The following STK39 variants were observed in gnomAD, a reference collection of about 807,000 sequenced individuals.
The protein encoded by STK39 is serine/threonine kinase 39.
A neutral mutation model predicts 77.8 loss-of-function variants in STK39; 20 were observed. That is an observed-to-expected ratio of 0.26 (90% confidence interval 0.18 to 0.37). The LOEUF is 0.37. Ranked by LOEUF, STK39 falls within the 10% of genes least tolerant of loss-of-function variation. STK39 has a pLI of 1.00. For synonymous variants in STK39, 246 were observed against 234.1 expected (o/e 1.05, Z -0.47); for missense variants, 479 against 656.5 (o/e 0.73, Z 2.95).
At chr2:167,985,464 C>T (rs1683534517) in intron 16 of STK39, among the ~76,000 whole-genome samples, 2 of 152,126 alleles carry the variant, frequency 1.3e-5, no homozygotes, top group South Asian at 4.1e-4. Context: ...CTTTCTTCAC[C>T]AAGCAGGATA....
At chr2:168,210,624 A>C (rs1429156304) in intron 1 of STK39, among the ~76,000 whole-genome samples, 1 of 152,150 alleles carries the variant, frequency 6.6e-6, no homozygotes, top group East Asian at 1.9e-4. Context: ...GGTTCAAGCG[A>C]TTCTCCTGCC....
At chr2:168,166,595 T>G (rs1233857255) in intron 3 of STK39, among the ~76,000 whole-genome samples, 1 of 152,200 alleles carries the variant, frequency 6.6e-6, no homozygotes, top group Admixed American at 6.5e-5. Context: ...GAATTCAAAG[T>G]GCATTAGACA....
At chr2:168,027,502 T>C (rs1684729114) in intron 14 of STK39, among the ~76,000 whole-genome samples, 1 of 152,086 alleles carries the variant, frequency 6.6e-6, no homozygotes, top group African/African-American at 2.4e-5. Flanking sequence ...CAAACCAATG[T>C]CAGATAGATC....
In STK39 at chr2:168,012,694, C is replaced by G. The variant is rs1684301237; in HGVS notation, c.1438G>C (p.Asp480His). ...FEFTPGRDTA[D>H]GVSQELFSAG... ...GAGAAGAGCTCCTGAGATACACCAT[C>G]TGCTGTATCTGTCCAAATGTGAAAT... The change falls in exon 16 of 18, where the codon GAT becomes CAT. Residue 480 changes from aspartate to histidine, a missense_variant. Coordinates refer to ENST00000355999, the MANE Select transcript of STK39 (RefSeq NM_013233.3). 6.2e-7 allele frequency: 1 copy of G among 1,613,226 alleles called. No individual in the cohort carries two copies. Among genetic ancestry groups the G allele is most frequent in the Non-Finnish European group, 8.5e-7 (1 of 1,179,470 alleles).
At chr2:168,215,532 T>C (rs150369406) in intron 1 of STK39, among the ~76,000 whole-genome samples, 28 of 152,334 alleles carry the variant, frequency 1.8e-4, no homozygotes, top group African/African-American at 5.8e-4. Context: ...AACTCTACTT[T>C]TGCTGGATCT....
chr2:168,100,115 A>T (rs1011477671), intron 10 of STK39, among the ~76,000 whole-genome samples: 1 of 152,244 alleles, frequency 6.6e-6, no homozygotes, highest in Non-Finnish European at 1.5e-5. Context: ...AATTTTTCAT[A>T]CAGTTTATCA....
chr2:167,975,730 C>T (rs1012103805), intron 16 of STK39, among the ~76,000 whole-genome samples: 2 of 152,170 alleles, frequency 1.3e-5, no homozygotes, highest in African/African-American at 2.4e-5. Flanking sequence ...AGGAGAATGC[C>T]GCAAACCTGG....
rs138712304 is a variant in STK39 at position 168,095,135 on chromosome 2, C to T, written c.1090-19904G>A. Among the ~76,000 whole-genome samples the T allele has an allele frequency of 3.0e-3, 456 of 152,292 alleles. 3 individuals carry two copies. The highest frequency in any genetic ancestry group is 0.01 in the African/African-American group (433 of 41,554). Reference sequence around the variant, plus strand: ...AGCCTGATCTCCTCCTTCAAACTGTCCTCTACTGTTCACTCCTGAGCCAAC... The same window carrying T: ...AGCCTGATCTCCTCCTTCAAACTGTTCTCTACTGTTCACTCCTGAGCCAAC... On this transcript the variant is annotated intron_variant, in intron 10 of 17. Transcript: ENST00000355999.
chr2:168,066,508 G>T (rs1304110652), intron 12 of STK39, among the ~76,000 whole-genome samples: 1 of 152,176 alleles, frequency 6.6e-6, no homozygotes, highest in East Asian at 1.9e-4. Flanking sequence ...CTCTTGCAAA[G>T]AATCTTTCAG....
chr2:168,176,682 G>A (rs1461659464), intron 2 of STK39, among the ~76,000 whole-genome samples: 1 of 152,088 alleles, frequency 6.6e-6, no homozygotes, highest in Non-Finnish European at 1.5e-5. Flanking sequence ...AAAATCCCTA[G>A]AGAAAGATGA....
intron 14 of STK39, among the ~76,000 whole-genome samples, chr2:168,034,152 G>T (rs1684894815): frequency 6.6e-6 from 1 of 152,162 alleles, no homozygotes. Flanking sequence ...GGGGAGGCAG[G>T]CCCCTGCATG....
intron 10 of STK39, among the ~76,000 whole-genome samples, chr2:168,100,042 TG>T (rs1391967739): frequency 1.9e-4 from 29 of 152,290 alleles, no homozygotes; most frequent in African/African-American, 6.3e-4. Flanking sequence ...GCAAAATGCC[TG>T]GGTAATTCTT....
intron 8 of STK39, among the ~76,000 whole-genome samples, chr2:168,131,016 A>G (rs6750176): frequency 0.1 from 15,526 of 152,220 alleles, 1,354 homozygotes; most frequent in African/African-American, 0.21. Flanking sequence ...ATCATTAGAG[A>G]TGTGTGAATC....
At chr2:168,144,574 G>A (rs186834916) in intron 5 of STK39, among the ~76,000 whole-genome samples, 1 of 151,970 alleles carries the variant, frequency 6.6e-6, no homozygotes, top group African/African-American at 2.4e-5. Flanking sequence ...CCAACGTGCT[G>A]GAATTATAAG....
intron 2 of STK39, among the ~76,000 whole-genome samples, chr2:168,171,854 C>A (rs1344197953): frequency 1.1e-5 from 1 of 92,096 alleles, no homozygotes; most frequent in African/African-American, 5.9e-5. Context: ...GCCCCCCCCA[C>A]TCCCCCCTCC....
chr2:168,172,465 T>A (rs1454566160), intron 2 of STK39, among the ~76,000 whole-genome samples: 1 of 152,244 alleles, frequency 6.6e-6, no homozygotes, highest in Non-Finnish European at 1.5e-5. Context: ...CACCTTGTCA[T>A]ACTTCATGTA....
intron 1 of STK39, among the ~76,000 whole-genome samples, chr2:168,210,078 G>GAAGGAAGGAAGA (rs1273245360): frequency 4.4e-5 from 6 of 135,320 alleles, no homozygotes; most frequent in African/African-American, 1.6e-4. Context: ...AGGAAGGAAG[G>GAAGGAAGGAAGA]AAGAAAGAAA....
At chr2:168,024,777 A>C (rs578234106) in intron 14 of STK39, among the ~76,000 whole-genome samples, 1 of 152,350 alleles carries the variant, frequency 6.6e-6, no homozygotes. Context: ...TCCAAACTCA[A>C]AGCAACTCTT....
At chr2:168,090,080 T>C (rs1479001161) in intron 10 of STK39, among the ~76,000 whole-genome samples, 1 of 152,230 alleles carries the variant, frequency 6.6e-6, no homozygotes, top group African/African-American at 2.4e-5. Context: ...TTTGTGTTCT[T>C]CTACATTCTG....
Sources: gnomAD v4.1 joint callset for allele counts (sites outside exome capture counted in the v4.1 genomes callset) on GRCh38, gnomAD v4.1.1 for gene constraint, MANE v1.5 for transcripts, NCBI Gene and HGNC (gene_info 2026-07-23, HGNC 2026-07-21) for gene names.